The following CYB5A variants were observed in gnomAD, a reference collection of about 807,000 sequenced individuals.
CYB5A encodes cytochrome b5.
Under a neutral mutation model 16.2 loss-of-function variants are expected in CYB5A, and 10 were observed. The observed-to-expected ratio is 0.62, with a 90% CI of 0.38 to 1.04. CYB5A has a LOEUF of 1.04. Ranked by LOEUF, CYB5A falls within the 50% of genes least tolerant of loss-of-function variation. The probability of loss-of-function intolerance (pLI) is 0.01; values close to 1 mark genes in which losing one functional copy is unlikely to be tolerated. For synonymous variants in CYB5A, 62 were observed against 57.0 expected, an observed-to-expected ratio of 1.09 and a Z score of -0.40; for missense variants, 161 against 165.9, an observed-to-expected ratio of 0.97 and a Z score of 0.16.
chr18:74,256,635 T>TAATAAGA (rs1210545152), intron 3 of CYB5A: 1 of 589,936 alleles, frequency 1.7e-6, no homozygotes, highest in Non-Finnish European at 3.0e-6. Context: ...CATTAGGGCC[T>TAATAAGA]CAAACAGAAG....
chr18:74,258,437 G>C (rs1400855188), intron 3 of CYB5A: 1 of 152,144 alleles, frequency 6.6e-6, no homozygotes, highest in Non-Finnish European at 1.5e-5. Flanking sequence ...ATCTTAATTT[G>C]GTAACTTAAC....
chr18:74,274,891 G>C (rs560165569), intron 1 of CYB5A, among the ~76,000 whole-genome samples: 109 of 152,298 alleles, frequency 7.2e-4, no homozygotes, highest in African/African-American at 2.4e-3. Flanking sequence ...TGACAGCAGA[G>C]GCTTCCGTTC....
In CYB5A at chr18:74,253,810, TA is replaced by T. The variant is rs1981859688; in HGVS notation, c.324-146del. ...TGCTGAAAAGGCAACGTGGATTTGC[TA>T]AAAGTGACATGAGTGTAACACATGC... On this transcript the variant is annotated intron_variant, in intron 4 of 4. Transcript: ENST00000340533. The T allele has an allele frequency of 4.5e-6, 3 of 661,540 alleles. No homozygotes were observed. In the African/African-American group the frequency reaches 5.4e-5, roughly 12 times the overall value. 41.0% of individuals were successfully genotyped at this position (661,540 alleles called of 1,614,324 possible).
intron 3 of CYB5A, chr18:74,256,496 T>C (rs1179453591): frequency 2.3e-5 from 8 of 346,920 alleles, no homozygotes; most frequent in Non-Finnish European, 4.1e-5. Context: ...CTAAAGTGAA[T>C]GGACAATGGT....
chr18:74,254,733 G>GA (rs1365132659), intron 4 of CYB5A, among the ~76,000 whole-genome samples: 1 of 151,642 alleles, frequency 6.6e-6, no homozygotes. Flanking sequence ...TGTTAGCCAG[G>GA]ATGGTCTCGA....
rs779283998 is a variant in CYB5A at position 74,255,733 on chromosome 18, C to T, written c.323+8G>A. 1 of 1,611,502 alleles carries T rather than the reference C, an allele frequency of 6.2e-7. No homozygotes were observed. The highest frequency in any genetic ancestry group is 8.5e-7 in the Non-Finnish European group (1 of 1,177,650). The stretch of plus-strand genomic sequence containing the variant: ...CCACTACTGCTTTAAAAGAAAGCTA[C>T]CACATACCTGGAACTAGAATCAATA... On this transcript the variant is annotated splice_region_variant and intron_variant, in intron 4 of 4. Coordinates refer to ENST00000340533, the MANE Select transcript of CYB5A (RefSeq NM_148923.4).
At chr18:74,263,672 G>T (rs1317292670) in intron 1 of CYB5A, among the ~76,000 whole-genome samples, 195 bp from the exon 2 acceptor site, 1 of 152,088 alleles carries the variant, frequency 6.6e-6, no homozygotes, top group African/African-American at 2.4e-5. Flanking sequence ...AGTACAATAG[G>T]CCTAGGCAGC....
chr18:74,256,523 C>T (rs1261560706), intron 3 of CYB5A: 2 of 405,914 alleles, frequency 4.9e-6, no homozygotes, highest in East Asian at 3.9e-5. Flanking sequence ...AAAACGCATA[C>T]TTCTCCAACA....
intron 1 of CYB5A, among the ~76,000 whole-genome samples, chr18:74,277,750 G>A (rs1338169836): frequency 6.6e-6 from 1 of 152,216 alleles, no homozygotes; most frequent in Non-Finnish European, 1.5e-5. Flanking sequence ...CTCGCCAGGT[G>A]AGCAAGGGGA....
At chr18:74,259,641 A>G (rs1053344109) in intron 3 of CYB5A, 15 of 152,198 alleles carry the variant, frequency 9.9e-5, no homozygotes, top group African/African-American at 3.4e-4. Context: ...TGAATCTTAA[A>G]CCTTTGTTTT....
chr18:74,260,536 C>A (rs1790818), intron 3 of CYB5A: 5 of 351,764 alleles, frequency 1.4e-5, no homozygotes, highest in African/African-American at 4.3e-5. Flanking sequence ...ATGAGACACA[C>A]CCTTAAAGAT....
At chr18:74,253,758 T>C (rs1981858525) in intron 4 of CYB5A, 93 bp from the exon 5 acceptor site, 3 of 870,962 alleles carry the variant, frequency 3.4e-6, no homozygotes, top group Non-Finnish European at 5.7e-6. Context: ...TACCAGGGCA[T>C]GTTTTTCTTA....
chr18:74,269,437 T>A (rs1306159998), intron 1 of CYB5A, among the ~76,000 whole-genome samples: 1 of 116,530 alleles, frequency 8.6e-6, no homozygotes, highest in African/African-American at 2.8e-5. Context: ...GATGATCTTA[T>A]CAAGTCTCCC....
In CYB5A at chr18:74,251,651, C is replaced by T. The variant is rs1385194019; in HGVS notation, c.*1933G>A. The T allele has an allele frequency of 6.6e-6, 1 of 152,206 alleles. No individual in the cohort carries two copies. Among genetic ancestry groups the T allele is most frequent in the East Asian group, 1.9e-4 (1 of 5,200 alleles). 9.4% of individuals were successfully genotyped at this position (152,206 alleles called of 1,614,324 possible). On this transcript the variant is annotated 3_prime_UTR_variant, in exon 5 of 5. Coordinates refer to ENST00000340533, the MANE Select transcript of CYB5A (RefSeq NM_148923.4). ...AAAGGGCAGCCTCTGAAGTCTCTCA[C>T]CTCTCTGAAGGGAAAGCAATAGAGA... is the stretch of plus-strand genomic sequence containing the variant.
At chr18:74,257,044 T>C (rs972587914) in intron 3 of CYB5A, 5 of 583,660 alleles carry the variant, frequency 8.6e-6, no homozygotes, top group African/African-American at 3.7e-5. Flanking sequence ...TACAAAAATA[T>C]TAGTTAGCTA....
At chr18:74,285,864 A>T (rs1983299244) in intron 1 of CYB5A, among the ~76,000 whole-genome samples, 1 of 148,000 alleles carries the variant, frequency 6.8e-6, no homozygotes, top group Non-Finnish European at 1.5e-5. Flanking sequence ...AAAAAAAAAA[A>T]AGTAGAAGTG....
Position 74,263,408 on chromosome 18 carries a change from C to G in CYB5A, c.199G>C (p.Gly67Arg), listed in dbSNP as rs779096431. 6.2e-7 allele frequency: 1 copy of G among 1,613,994 alleles called. No homozygotes were observed. The highest frequency in any genetic ancestry group is 2.2e-5 in the East Asian group (1 of 44,888). ...GDATENFEDV[G>R]HSTDAREMSK... Reference sequence around the variant, plus strand: ...ATTTCCCTGGCATCTGTAGAGTGCCCGACATCCTCAAAGTTCTCAGTAGCG... The same window carrying G: ...ATTTCCCTGGCATCTGTAGAGTGCCGGACATCCTCAAAGTTCTCAGTAGCG... The change falls in exon 2 of 5, where the codon GGG becomes CGG. Residue 67 changes from glycine (G) to arginine (R), a missense_variant. Coordinates refer to ENST00000340533, the MANE Select transcript of CYB5A (RefSeq NM_148923.4).
chr18:74,291,616 G>A, intron 1 of CYB5A, 131 bp downstream of exon 1: 1 of 1,383,854 alleles, frequency 7.2e-7, no homozygotes, highest in Non-Finnish European at 1.0e-6. Context: ...TACACGCGCA[G>A]GTGAGCGAAC....
intron 3 of CYB5A, chr18:74,256,115 C>A (rs982073645): frequency 1.7e-5 from 4 of 231,998 alleles, no homozygotes; most frequent in Non-Finnish European, 3.4e-5. Flanking sequence ...CACAATCCCA[C>A]GTCACCTTTA....
Sources: gnomAD v4.1 joint callset for allele counts (sites outside exome capture counted in the v4.1 genomes callset) on GRCh38, gnomAD v4.1.1 for gene constraint, MANE v1.5 for transcripts, NCBI Gene and HGNC (gene_info 2026-07-23, HGNC 2026-07-21) for gene names.